The following ATP6V1H variants were observed in gnomAD, a reference collection of about 807,000 sequenced individuals.
The protein encoded by ATP6V1H is V-type proton ATPase subunit H.
A neutral mutation model predicts 71.7 loss-of-function variants in ATP6V1H; 39 were observed. The ratio of observed to expected loss-of-function variants is 0.54; its 90% CI spans 0.42 to 0.71. ATP6V1H has a LOEUF of 0.71. ATP6V1H is among the 30% of genes least tolerant of loss of function. The pLI is 0.00. For synonymous variants in ATP6V1H, 192 were observed against 199.3 expected, an observed-to-expected ratio of 0.96 and a Z score of 0.31; for missense variants, 509 against 594.9, an observed-to-expected ratio of 0.86 and a Z score of 1.50.
chr8:53,823,491 G>C (rs1027869756), intron 4 of ATP6V1H, among the ~76,000 whole-genome samples: 25 of 152,002 alleles, frequency 1.6e-4, no homozygotes, highest in Admixed American at 2.0e-4. Flanking sequence ...TTTTGGGGGG[G>C]CGGGGGAGAT....
In ATP6V1H at chr8:53,814,731, TC is replaced by T; in HGVS notation, c.455del (p.Gly152GlufsTer4). On this transcript the variant is annotated frameshift_variant, in exon 6 of 14. Transcript: ENST00000359530. LOFTEE classifies it high-confidence loss of function. ...AGTCACTGCCTTCCATCAGTTCTTT[TC>T]CCCAAGCTGCTAACTTGGCAATAAT... ...ARIIAKLAAW[G>X]KELMEGSDLN... The T allele has an allele frequency of 1.2e-6, 2 of 1,613,108 alleles. No individual in the cohort carries two copies. Among genetic ancestry groups the T allele is most frequent in the Non-Finnish European group, 1.7e-6 (2 of 1,179,624 alleles).
intron 8 of ATP6V1H, among the ~76,000 whole-genome samples, chr8:53,800,367 T>C (rs1809869028): frequency 6.6e-6 from 1 of 152,228 alleles, no homozygotes; most frequent in African/African-American, 2.4e-5. Flanking sequence ...GAATTCAGAA[T>C]TTTTTATTTT....
chr8:53,765,454 A>AACACACACACACAC (rs59822523), intron 11 of ATP6V1H, among the ~76,000 whole-genome samples: 2 of 74,132 alleles, frequency 2.7e-5, no homozygotes, highest in African/African-American at 9.2e-5. Flanking sequence ...CAACAACAAC[A>AACACACACACACAC]ACACACACAC....
chr8:53,724,316 G>C (rs1158070659), intron 13 of ATP6V1H, among the ~76,000 whole-genome samples: 1 of 152,192 alleles, frequency 6.6e-6, no homozygotes, highest in African/African-American at 2.4e-5. Flanking sequence ...TATTTATAAT[G>C]TAGTACAGAT....
chr8:53,760,796 A>G (rs1808246159), intron 11 of ATP6V1H, among the ~76,000 whole-genome samples: 1 of 152,168 alleles, frequency 6.6e-6, no homozygotes, highest in Non-Finnish European at 1.5e-5. Context: ...GAAAAAACTC[A>G]TAATACCCCT....
At chr8:53,757,510 A>G (rs1808114746) in intron 11 of ATP6V1H, among the ~76,000 whole-genome samples, 1 of 152,230 alleles carries the variant, frequency 6.6e-6, no homozygotes, top group Non-Finnish European at 1.5e-5. Flanking sequence ...AGGGCCTAGA[A>G]ATAGATGGAA....
At chr8:53,831,209 T>G (rs1810995552) in intron 3 of ATP6V1H, among the ~76,000 whole-genome samples, 1 of 152,236 alleles carries the variant, frequency 6.6e-6, no homozygotes, top group Non-Finnish European at 1.5e-5. Flanking sequence ...GCAATTTCCT[T>G]GTTGTGTGAA....
chr8:53,779,320 C>A (rs961767451), intron 9 of ATP6V1H, among the ~76,000 whole-genome samples: 1 of 151,848 alleles, frequency 6.6e-6, no homozygotes, highest in East Asian at 1.9e-4. Context: ...GGATTGAAAT[C>A]TTACAGAATA....
chr8:53,815,191 T>C (rs1422016054), intron 5 of ATP6V1H, among the ~76,000 whole-genome samples: 1 of 152,196 alleles, frequency 6.6e-6, no homozygotes, highest in African/African-American at 2.4e-5. Flanking sequence ...GGAGTTTTAA[T>C]ACTTAAAAAT....
At chr8:53,718,886 G>C (rs4738701) in intron 13 of ATP6V1H, among the ~76,000 whole-genome samples, 18,407 of 152,172 alleles carry the variant, frequency 0.12, 1,733 homozygotes, top group East Asian at 0.41. Flanking sequence ...CACATCAGGG[G>C]CCCCAGGTGG....
At chr8:53,746,399 G>GGATT (rs1395232272) in intron 12 of ATP6V1H, among the ~76,000 whole-genome samples, 4 of 151,890 alleles carry the variant, frequency 2.6e-5, no homozygotes, top group Admixed American at 6.6e-5. Flanking sequence ...CGAGTAGCTG[G>GGATT]GATTACAGGT....
At chr8:53,817,219 A>G (rs576586594) in intron 5 of ATP6V1H, among the ~76,000 whole-genome samples, 198 bp downstream of exon 5, 2 of 150,940 alleles carry the variant, frequency 1.3e-5, no homozygotes, top group South Asian at 2.1e-4. Flanking sequence ...TAAAATAAAA[A>G]CCTTTCTTCT....
chr8:53,779,137 CACTAA>C (rs1809004385), intron 9 of ATP6V1H, among the ~76,000 whole-genome samples: 1 of 151,900 alleles, frequency 6.6e-6, no homozygotes, highest in African/African-American at 2.4e-5. Context: ...TTGATAGAAC[CACTAA>C]ACAAAAAAAT....
At chr8:53,822,716 A>C (rs1385505290) in intron 4 of ATP6V1H, among the ~76,000 whole-genome samples, 1 of 152,120 alleles carries the variant, frequency 6.6e-6, no homozygotes, top group African/African-American at 2.4e-5. Flanking sequence ...AAGGGGTTTC[A>C]ACTCACAAAC....
intron 2 of ATP6V1H, among the ~76,000 whole-genome samples, chr8:53,836,480 G>A (rs939854265): frequency 5.9e-5 from 9 of 151,910 alleles, no homozygotes; most frequent in East Asian, 5.8e-4. Context: ...CAGCAGGTTC[G>A]GGGCTCTGGT....
rs1376965508 is a variant in ATP6V1H, at chr8:53,743,635, C to T, written c.1333G>A (p.Asp445Asn). 1 of 1,613,878 alleles carries T rather than the reference C, an allele frequency of 6.2e-7. No homozygotes were observed. Among genetic ancestry groups the T allele is most frequent in the Non-Finnish European group, 8.5e-7 (1 of 1,179,982 alleles). The part of the protein sequence containing the change: ...QLVMNHMHHE[D>N]QQVRYNALLA... The stretch of plus-strand genomic sequence containing the variant: ...AGAGCATTATAGCGGACCTGCTGGT[C>T]TTCATGATGCATGTGGTTCATGACC... Residue 445 changes from aspartate (D) to asparagine (N), a missense_variant, in exon 13 of 14, where the codon GAC (aspartate) becomes AAC (asparagine). Transcript: ENST00000359530.
chr8:53,810,818 A>G (rs1409492316), intron 7 of ATP6V1H, among the ~76,000 whole-genome samples: 5 of 152,178 alleles, frequency 3.3e-5, no homozygotes, highest in Non-Finnish European at 7.3e-5. Context: ...GATTAGACAG[A>G]TATTAGACAG....
chr8:53,841,538 G>A, intron 2 of ATP6V1H, 40 bp downstream of exon 2: 2 of 1,604,164 alleles, frequency 1.2e-6, no homozygotes, highest in Non-Finnish European at 1.7e-6. Flanking sequence ...TGATGCAAAA[G>A]CATATGACTG....
intron 11 of ATP6V1H, among the ~76,000 whole-genome samples, chr8:53,758,780 T>C (rs976760389): frequency 6.6e-6 from 1 of 152,238 alleles, no homozygotes; most frequent in African/African-American, 2.4e-5. Context: ...CCAGATGCCA[T>C]CTGTTTTTGT....
Sources: gnomAD v4.1 joint callset for allele counts (sites outside exome capture counted in the v4.1 genomes callset) on GRCh38, gnomAD v4.1.1 for gene constraint, MANE v1.5 for transcripts, NCBI Gene and HGNC (gene_info 2026-07-23, HGNC 2026-07-21) for gene names.